The following CEP70 variants were observed in gnomAD, a reference collection of about 807,000 sequenced individuals.
CEP70 encodes the protein centrosomal protein of 70 kDa.
CEP70 carries 70 observed loss-of-function variants against 90.9 expected under a neutral mutation model. The observed-to-expected ratio is 0.77, with a 90% CI of 0.64 to 0.94. The LOEUF is 0.94. Ranked by LOEUF, CEP70 falls within the 40% of genes least tolerant of loss-of-function variation. CEP70 has a pLI of 0.00. For missense variants in CEP70, 648 were observed against 669.0 expected (o/e 0.97, Z 0.35); for synonymous variants, 220 against 228.3 (o/e 0.96, Z 0.33).
chr3:138,497,293 A>AT, intron 17 of CEP70: 2 of 1,269,928 alleles, frequency 1.6e-6, no homozygotes, highest in Non-Finnish European at 2.0e-6. Context: ...TTTCATACCA[A>AT]GCTTCATCTC....
intron 2 of CEP70, among the ~76,000 whole-genome samples, chr3:138,591,599 A>T (rs567480180): frequency 5.3e-5 from 8 of 152,342 alleles, no homozygotes; most frequent in Admixed American, 5.2e-4. Context: ...TAGAAAGAAC[A>T]TAAAGCATTG....
chr3:138,510,105 A>T (rs2035379955), intron 11 of CEP70, among the ~76,000 whole-genome samples: 1 of 152,118 alleles, frequency 6.6e-6, no homozygotes, highest in African/African-American at 2.4e-5. Flanking sequence ...GGAATAAGAA[A>T]TCTGGGCTAG....
intron 6 of CEP70, among the ~76,000 whole-genome samples, chr3:138,544,786 G>A (rs982584157): frequency 5.9e-5 from 9 of 152,050 alleles, no homozygotes; most frequent in East Asian, 3.9e-4. Context: ...AGGTCATTAC[G>A]TTAAATGAAA....
At chr3:138,535,586 A>G (rs1490504702) in intron 7 of CEP70, among the ~76,000 whole-genome samples, 2 of 152,158 alleles carry the variant, frequency 1.3e-5, no homozygotes, top group East Asian at 3.8e-4. Flanking sequence ...AATAGGTTTA[A>G]TTCACAATTT....
At chr3:138,577,668 T>A (rs961911410) in intron 2 of CEP70, among the ~76,000 whole-genome samples, 1 of 151,716 alleles carries the variant, frequency 6.6e-6, no homozygotes, top group African/African-American at 2.4e-5. Flanking sequence ...AAAAAATTTT[T>A]AAAAACCCAA....
At chr3:138,552,051 G>A (rs2039659714) in intron 6 of CEP70, among the ~76,000 whole-genome samples, 1 of 152,102 alleles carries the variant, frequency 6.6e-6, no homozygotes, top group South Asian at 2.1e-4. Flanking sequence ...AAACTTTAAA[G>A]CAACAGCAGT....
In CEP70 at chr3:138,553,979, C is replaced by G. The variant is rs569976604; in HGVS notation, c.465+16339G>C. ...TGGGAGGCTGAGGTGGGTGGATCAC[C>G]TGAGGTCAGTAGTTCAAGACTAGCC... On this transcript the variant is annotated intron_variant, in intron 6 of 17. Transcript: ENST00000264982. Among the ~76,000 whole-genome samples, 17 of 152,148 alleles carry G rather than the reference C, an allele frequency of 1.1e-4. No individual in the cohort carries two copies. In the East Asian group the frequency reaches 2.9e-3, roughly 26 times the overall value.
At chr3:138,560,634 C>T (rs1170792863) in intron 6 of CEP70, among the ~76,000 whole-genome samples, 1 of 152,144 alleles carries the variant, frequency 6.6e-6, no homozygotes, top group Non-Finnish European at 1.5e-5. Context: ...TTGAAATTCT[C>T]ACTGCCAGCG....
chr3:138,580,666 A>C (rs957209569), intron 2 of CEP70, among the ~76,000 whole-genome samples: 1 of 152,132 alleles, frequency 6.6e-6, no homozygotes, highest in Non-Finnish European at 1.5e-5. Context: ...TGACCTCACC[A>C]AACTAAATAA....
intron 6 of CEP70, among the ~76,000 whole-genome samples, chr3:138,556,677 G>A (rs2040033022): frequency 6.6e-6 from 1 of 152,046 alleles, no homozygotes; most frequent in East Asian, 1.9e-4. Context: ...GGGCGTCCGG[G>A]GGAGACATCA....
chr3:138,517,843 G>A (rs1356639987), intron 11 of CEP70, among the ~76,000 whole-genome samples: 1 of 152,222 alleles, frequency 6.6e-6, no homozygotes, highest in Non-Finnish European at 1.5e-5. Context: ...GTGCAGGACA[G>A]TGGGTGCAGC....
intron 6 of CEP70, among the ~76,000 whole-genome samples, chr3:138,563,294 G>A (rs1036752226): frequency 2.0e-5 from 3 of 152,126 alleles, no homozygotes; most frequent in Non-Finnish European, 4.4e-5. Flanking sequence ...AGATCAATGA[G>A]ACAGATAATT....
intron 6 of CEP70, among the ~76,000 whole-genome samples, chr3:138,549,155 C>T (rs1367426939): frequency 6.6e-6 from 1 of 151,510 alleles, no homozygotes; most frequent in Non-Finnish European, 1.5e-5. Context: ...GGAAGGAAAC[C>T]TCCAGCTGAA....
At chr3:138,499,850 C>A in intron 16 of CEP70, 1 of 352,360 alleles carries the variant, frequency 2.8e-6, no homozygotes, top group Non-Finnish European at 5.4e-6. Context: ...CACACACACA[C>A]ACAAAAGATG....
At chr3:138,523,550 C>G (rs1378444667) in intron 11 of CEP70, among the ~76,000 whole-genome samples, 1 of 152,020 alleles carries the variant, frequency 6.6e-6, no homozygotes, top group Non-Finnish European at 1.5e-5. Flanking sequence ...AATCAATGTG[C>G]AAAAATCACA....
intron 8 of CEP70, among the ~76,000 whole-genome samples, chr3:138,532,221 T>A (rs1475331156): frequency 6.6e-6 from 1 of 152,186 alleles, no homozygotes; most frequent in Non-Finnish European, 1.5e-5. Flanking sequence ...ACCCAGGGGC[T>A]AGATCATATC....
chr3:138,592,209 T>A (rs563625400), intron 1 of CEP70, among the ~76,000 whole-genome samples: 1 of 152,322 alleles, frequency 6.6e-6, no homozygotes, highest in East Asian at 1.9e-4. Context: ...TCTATCATCA[T>A]CTATCATCAA....
intron 11 of CEP70, among the ~76,000 whole-genome samples, chr3:138,524,613 A>T (rs1456643341): frequency 6.6e-6 from 1 of 152,252 alleles, no homozygotes; most frequent in African/African-American, 2.4e-5. Flanking sequence ...GGATATGAAC[A>T]GACACTTCTC....
intron 6 of CEP70, among the ~76,000 whole-genome samples, chr3:138,570,114 C>G (rs1468936476): frequency 1.1e-4 from 16 of 151,598 alleles, no homozygotes. Flanking sequence ...GAAAAAAAAA[C>G]AGCAAAAGAA....
Sources: gnomAD v4.1 joint callset for allele counts (sites outside exome capture counted in the v4.1 genomes callset) on GRCh38, gnomAD v4.1.1 for gene constraint, MANE v1.5 for transcripts, NCBI Gene and HGNC (gene_info 2026-07-23, HGNC 2026-07-21) for gene names.